The following CCDC187 variants were observed in gnomAD, a reference collection of about 807,000 sequenced individuals.
CCDC187 encodes the protein coiled-coil domain-containing protein 187.
CCDC187 carries 32 observed loss-of-function variants against 38.0 expected under a neutral mutation model. The observed-to-expected ratio is 0.84, with a 90% CI of 0.64 to 1.13. The LOEUF (loss-of-function observed/expected upper bound fraction) is 1.13. Among genes scored for constraint, CCDC187 ranks in the 50% most tolerant of loss-of-function variants. The pLI is 0.00. For missense variants in CCDC187, 707 were observed against 786.8 expected (o/e 0.90, Z 1.21); for synonymous variants, 333 against 347.9 (o/e 0.96, Z 0.48).
intron 9 of CCDC187, among the ~76,000 whole-genome samples, chr9:136,282,146 G>A (rs1312698250): frequency 1.3e-5 from 2 of 152,202 alleles, no homozygotes; most frequent in Non-Finnish European, 2.9e-5. Context: ...TGCCCACCAG[G>A]CCCAGAGCGG....
At position 136,290,661 on chromosome 9, in the gene CCDC187, C is replaced by T. The variant is rs1391413262; in HGVS notation, c.1952G>A (p.Arg651Gln). ...EFMRQKAQAR[R>Q]RQALEEKASA... ...GGCCTTCTCCTCCAGGGCCTGCCGC[C>T]GCCGGGCCTGCGCCTTCTGGCGCAT... The change falls in exon 6 of 26, where the codon CGG becomes CAG. Residue 651 changes from arginine to glutamine, a missense_variant. Physicochemically the swap from Arg to Gln is conservative, Grantham distance 43. Transcript: ENST00000638797. The T allele has an allele frequency of 1.5e-5, 6 of 398,398 alleles. No homozygotes were observed. The highest frequency in any genetic ancestry group is 1.3e-4 in the Admixed American group (3 of 22,712). The allele number at this position is 398,398 out of a possible 1,614,324, so 24.7% of individuals were successfully genotyped here. A position where few individuals can be genotyped will look rare whatever the true frequency, so the allele number is the denominator to read the frequency against.
At chr9:136,285,114 G>A (rs1203081991) in intron 9 of CCDC187, among the ~76,000 whole-genome samples, 2 of 152,040 alleles carry the variant, frequency 1.3e-5, no homozygotes, top group African/African-American at 4.8e-5. Context: ...AGCCAGGTGT[G>A]TGAGGCTCCA....
rs114696256 is a variant in CCDC187 at position 136,262,120 on chromosome 9, G to C, written c.4064+191C>G. On this transcript the variant is annotated intron_variant, in intron 19 of 25. Coordinates refer to ENST00000638797, the MANE Select transcript of CCDC187 (RefSeq NM_001378188.1). ...CCAACGGCCATACGGCCAAGCCTCA[G>C]AGAAGGTTGAGCTGCCACCGGCCGG... Among the ~76,000 whole-genome samples the C allele has an allele frequency of 3.2e-3, 485 of 152,388 alleles. 3 individuals carry two copies. The highest frequency in any genetic ancestry group is 0.011 in the African/African-American group (456 of 41,600).
intron 18 of CCDC187, 57 bp from the exon 19 acceptor site, chr9:136,262,519 A>C (rs919753650): frequency 7.6e-5 from 75 of 986,758 alleles, no homozygotes; most frequent in Non-Finnish European, 8.8e-5. Context: ...TTTCCTCCTC[A>C]GAAAAGCTGG....
At chr9:136,291,856 G>T (rs1448517741) in intron 5 of CCDC187, among the ~76,000 whole-genome samples, 1 of 152,224 alleles carries the variant, frequency 6.6e-6, no homozygotes, top group African/African-American at 2.4e-5. Flanking sequence ...CCTGTGTCTG[G>T]GGAGCCCCTG....
intron 20 of CCDC187, 84 bp downstream of exon 20, chr9:136,260,035 G>A: frequency 1.0e-6 from 1 of 965,708 alleles, no homozygotes; most frequent in Non-Finnish European, 1.2e-6. Context: ...ACCTGACCCT[G>A]GGCCTAATGC....
Position 136,253,922 on chromosome 9 carries a change from G to A in CCDC187, c.5906C>T (p.Pro1969Leu), listed in dbSNP as rs1443641499. The A allele has an allele frequency of 7.9e-6, 7 of 885,516 alleles. No homozygotes were observed. The highest frequency in any genetic ancestry group is 9.5e-6 in the Non-Finnish European group (7 of 738,792). 54.9% of individuals were successfully genotyped at this position (885,516 alleles called of 1,614,324 possible). A position where few individuals can be genotyped will look rare whatever the true frequency, so the allele number is the denominator to read the frequency against. Residue 1969 changes from proline to leucine, a missense_variant, in exon 26 of 26, where the codon CCC (proline) becomes CTC (leucine). By Grantham distance (98) the Pro-to-Leu change is moderately conservative. Coordinates refer to ENST00000638797, the MANE Select transcript of CCDC187 (RefSeq NM_001378188.1). ...RAPGPGGNGA[P>L]TVLEEACPLL... is the part of the protein sequence containing the mutation. Reference sequence around the variant, plus strand: ...GGGACAGGCTTCCTCCAGGACAGTGGGGGCCCCATTCCCACCAGGCCCAGG... The same window carrying A: ...GGGACAGGCTTCCTCCAGGACAGTGAGGGCCCCATTCCCACCAGGCCCAGG...
At chr9:136,293,699 C>A (rs1831442663) in intron 4 of CCDC187, among the ~76,000 whole-genome samples, 1 of 152,120 alleles carries the variant, frequency 6.6e-6, no homozygotes, top group African/African-American at 2.4e-5. Context: ...GTCACACATG[C>A]TCAGTCACAT....
intron 10 of CCDC187, among the ~76,000 whole-genome samples, chr9:136,279,350 C>G (rs906536206): frequency 1.5e-3 from 223 of 152,340 alleles, no homozygotes; most frequent in Middle Eastern, 3.4e-3. Context: ...CTAGAAGATT[C>G]TCTCGGACAG....
At chr9:136,282,718 G>A (rs1232663673) in intron 9 of CCDC187, among the ~76,000 whole-genome samples, 11 of 152,342 alleles carry the variant, frequency 7.2e-5, no homozygotes, top group Non-Finnish European at 1.3e-4. Context: ...ACCTGCTGTG[G>A]GCAGGAGCTG....
In CCDC187 at chr9:136,257,666, G is replaced by A. The variant is rs1267477321; in HGVS notation, c.4367-825C>T. On this transcript the variant is annotated intron_variant, in intron 22 of 25. Coordinates refer to ENST00000638797, the MANE Select transcript of CCDC187 (RefSeq NM_001378188.1). This position sits in a 1 kb window ranked among gnomAD's most constrained non-coding sequence, Gnocchi z 4.5. Reference sequence around the variant, plus strand: ...TGCACCTCCATCTCCCTAGACTTTCGTTCTGTGGGGTCAGGGGACTCTGAG... The same window carrying A: ...TGCACCTCCATCTCCCTAGACTTTCATTCTGTGGGGTCAGGGGACTCTGAG... Among the ~76,000 whole-genome samples, 1 of 152,146 alleles carries A rather than the reference G, an allele frequency of 6.6e-6. No individual in the cohort carries two copies. The highest frequency in any genetic ancestry group is 1.5e-5 in the Non-Finnish European group (1 of 68,020).
chr9:136,290,203 CTG>C (rs1188077328), intron 6 of CCDC187, 150 bp from the exon 7 acceptor site: 39 of 397,656 alleles, frequency 9.8e-5, no homozygotes, highest in Middle Eastern at 6.2e-4. Flanking sequence ...ACTTCAGGGG[CTG>C]TGAGAGGCAA....
intron 17 of CCDC187, 123 bp from the exon 18 acceptor site, chr9:136,263,921 C>T (rs1023970922): frequency 5.8e-6 from 4 of 686,086 alleles, no homozygotes; most frequent in African/African-American, 1.9e-5. Flanking sequence ...CTCCCTTTCC[C>T]TCCAATTGGC....
chr9:136,266,423 C>T (rs1830750035), intron 16 of CCDC187: 1 of 152,282 alleles, frequency 6.6e-6, no homozygotes, highest in Admixed American at 6.5e-5. Context: ...GTCTGGCCCG[C>T]TCAGACACCG....
In CCDC187 at chr9:136,302,892, C is replaced by G. The variant is rs1029468213; in HGVS notation, c.545G>C (p.Arg182Thr). The G allele has an allele frequency of 1.5e-5, 6 of 398,584 alleles. No individual in the cohort carries two copies. In the Admixed American group the frequency reaches 1.8e-4, roughly 12 times the overall value. 24.7% of individuals were successfully genotyped at this position (398,584 alleles called of 1,614,324 possible). The change falls in exon 2 of 26, where the codon AGA becomes ACA. Residue 182 changes from arginine to threonine, a missense_variant. Arg to Thr is a moderately conservative substitution (Grantham distance 71). Transcript: ENST00000638797. ...CATCAGCGTGGAGGCTTTGTGGAGT[C>G]TGGAGGCGCTGGAGGGGGCTGAGGT... is the stretch of plus-strand genomic sequence containing the variant. Reference protein sequence around the residue: ...LGTSAPSSASRLHKASTLMLR... With the variant: ...LGTSAPSSASTLHKASTLMLR...
rs1830690636 is a variant in CCDC187 at position 136,262,440 on chromosome 9, G to T, written c.3935C>A (p.Ala1312Asp). 1.0e-5 allele frequency: 10 copies of T among 985,802 alleles called. No homozygotes were observed. The highest frequency in any genetic ancestry group is 1.7e-5 in the African/African-American group (1 of 57,270). The allele number at this position is 985,802 out of a possible 1,614,324, so 61.1% of individuals were successfully genotyped here. The change falls in exon 19 of 26, where the codon GCC becomes GAC. Residue 1312 changes from alanine to aspartate, a missense_variant. Ala to Asp is a moderately radical substitution (Grantham distance 126). Transcript: ENST00000638797. The stretch of plus-strand genomic sequence containing the variant: ...TGTCTCTGAGCCTCCCTCCCAGGCG[G>T]CCTTGACTTTGGGGCTGGAACCCTG... ...LQQGSSPKVK[A>D]AWEGGSETSQ...
At chr9:136,302,723 G>C (rs922499959) in intron 2 of CCDC187, 89 bp downstream of exon 2, 23 of 398,396 alleles carry the variant, frequency 5.8e-5, no homozygotes, top group African/African-American at 3.9e-4. Flanking sequence ...CCCCCACCAC[G>C]TGTCCAGCAC....
At chr9:136,293,827 CACT>C (rs1364305014) in intron 4 of CCDC187, among the ~76,000 whole-genome samples, 7 of 146,230 alleles carry the variant, frequency 4.8e-5, no homozygotes, top group Non-Finnish European at 9.0e-5. Flanking sequence ...CTCACACTCA[CACT>C]ACCACACACT....
intron 4 of CCDC187, among the ~76,000 whole-genome samples, chr9:136,292,714 C>T (rs996575750): frequency 2.0e-5 from 3 of 152,212 alleles, no homozygotes; most frequent in Non-Finnish European, 2.9e-5. Flanking sequence ...CCCTCCGCTC[C>T]GTGCTGCACA....
Sources: gnomAD v4.1 joint callset for allele counts (sites outside exome capture counted in the v4.1 genomes callset) on GRCh38, gnomAD v4.1.1 for gene constraint, Gnocchi (gnomAD v3.1) non-coding constraint, MANE v1.5 for transcripts, NCBI Gene and HGNC (gene_info 2026-07-23, HGNC 2026-07-21) for gene names.